LRRC39: variants seen among roughly 807,000 people sequenced by gnomAD.
The protein encoded by LRRC39 is leucine-rich repeat-containing protein 39.
Under a neutral mutation model 39.7 loss-of-function variants are expected in LRRC39, and 35 were observed. That is an observed-to-expected ratio of 0.88 (90% CI 0.67 to 1.17). LRRC39 has a LOEUF of 1.17. Among genes scored for constraint, LRRC39 ranks in the 50% most tolerant of loss-of-function variants. LRRC39 has a pLI of 0.00. For missense variants in LRRC39, 357 were observed against 385.8 expected (o/e 0.93, Z 0.62); for synonymous variants, 113 against 134.1 (o/e 0.84, Z 1.09).
intron 3 of LRRC39, among the ~76,000 whole-genome samples, chr1:100,162,059 G>T (rs921581780): frequency 7.9e-5 from 12 of 152,072 alleles, no homozygotes; most frequent in Admixed American, 6.6e-5. Context: ...ACCAATATTT[G>T]CTATTGTCCC....
intron 6 of LRRC39, 43 bp downstream of exon 6, chr1:100,158,188 T>C (rs1427863163): frequency 6.3e-7 from 1 of 1,599,300 alleles, no homozygotes; most frequent in Non-Finnish European, 8.5e-7. Context: ...GGTCAACTAC[T>C]GCAGATGGAA....
chr1:100,168,025 T>A (rs991105135), intron 3 of LRRC39, among the ~76,000 whole-genome samples: 2 of 152,078 alleles, frequency 1.3e-5, no homozygotes, highest in Admixed American at 6.6e-5. Flanking sequence ...CAGCTCTGGC[T>A]AGAACACATG....
intron 9 of LRRC39, chr1:100,150,059 T>C (rs1490728957): frequency 6.6e-6 from 1 of 152,342 alleles, no homozygotes; most frequent in Non-Finnish European, 1.5e-5. Context: ...CTAATCTCTT[T>C]GTGCCTCAAT....
At chr1:100,152,674 A>C in intron 8 of LRRC39, 150 bp from the exon 9 acceptor site, 1 of 768,868 alleles carries the variant, frequency 1.3e-6, no homozygotes, top group Non-Finnish European at 2.0e-6. Flanking sequence ...GATATATCTC[A>C]AGAATCTTAT....
upstream of LRRC39, among the ~76,000 whole-genome samples, chr1:100,179,117 T>C (rs1660133433): frequency 6.6e-6 from 1 of 152,240 alleles, no homozygotes; most frequent in Non-Finnish European, 1.5e-5. Flanking sequence ...TTTTAATGGC[T>C]ACATAGCAGT....
intron 2 of LRRC39, among the ~76,000 whole-genome samples, chr1:100,170,541 G>T: frequency 6.6e-6 from 1 of 152,116 alleles, no homozygotes; most frequent in Non-Finnish European, 1.5e-5. Flanking sequence ...TGATGAAAAT[G>T]TTCTAGAATT....
At chr1:100,168,140 T>C (rs1367317932) in intron 3 of LRRC39, among the ~76,000 whole-genome samples, 3 of 152,152 alleles carry the variant, frequency 2.0e-5, no homozygotes, top group Non-Finnish European at 4.4e-5. Flanking sequence ...TTAGACTATA[T>C]GATACTAATC....
intron 8 of LRRC39, among the ~76,000 whole-genome samples, chr1:100,152,742 A>G (rs1449168961): frequency 6.6e-6 from 1 of 152,204 alleles, no homozygotes; most frequent in East Asian, 1.9e-4. Context: ...TTCAAAGCTT[A>G]TAAAAGCAAC....
intron 2 of LRRC39, among the ~76,000 whole-genome samples, chr1:100,171,204 G>A (rs1659572427): frequency 6.6e-6 from 1 of 151,978 alleles, no homozygotes; most frequent in South Asian, 2.1e-4. Flanking sequence ...TAAAACTTAG[G>A]AAGAATACTG....
chr1:100,175,793 A>T (rs990522807), intron 1 of LRRC39, among the ~76,000 whole-genome samples: 6 of 152,222 alleles, frequency 3.9e-5, no homozygotes, highest in African/African-American at 1.4e-4. Context: ...GACCAAAAAC[A>T]AATGAAGTTG....
Position 100,160,470 on chromosome 1 carries a change from C to T in LRRC39, c.215G>A (p.Trp72Ter). ...AAATATTCTATAAAAGCTTACCTTC[C>T]ATTCCTCTTTTTCTATCTTCAAAAT... is the stretch of plus-strand genomic sequence containing the variant. ...RVILKIEKEE[W>*]KTLPSSLLKL... Residue 72 changes from tryptophan to a stop codon, truncating the protein, a stop_gained, in exon 4 of 10, where the codon TGG (tryptophan) becomes TAG (stop). Coordinates refer to ENST00000370137, the MANE Select transcript of LRRC39 (RefSeq NM_144620.4). LOFTEE classifies it high-confidence loss of function. 6.2e-7 allele frequency: 1 copy of T among 1,611,400 alleles called. No homozygotes were observed. Among genetic ancestry groups the T allele is most frequent in the Non-Finnish European group, 8.5e-7 (1 of 1,178,296 alleles).
chr1:100,170,528 G>A (rs1659529176), intron 2 of LRRC39, among the ~76,000 whole-genome samples: 1 of 152,116 alleles, frequency 6.6e-6, no homozygotes, highest in South Asian at 2.1e-4. Context: ...ACAGTTTTTT[G>A]AGTGATGAAA....
rs1658696172 is a variant in LRRC39 at position 100,159,279 on chromosome 1, G to A, written c.356C>T (p.Ser119Leu). The A allele has an allele frequency of 3.7e-6, 6 of 1,605,220 alleles. No individual in the cohort carries two copies. The highest frequency in any genetic ancestry group is 5.1e-6 in the Non-Finnish European group (6 of 1,176,238). ...IVLDLSRNTISEIPPGIGLLT... is the reference protein window; with the variant it reads ...IVLDLSRNTILEIPPGIGLLT... ...CTTACCAATCCCTGGTGGTATCTCT[G>A]AAATTGTGTTTCGAGATAAATCTAA... The change falls in exon 5 of 10, where the codon TCA (serine) becomes TTA (leucine). Residue 119 changes from serine to leucine, a missense_variant. By Grantham distance (145) the Ser-to-Leu change is moderately radical. Coordinates refer to ENST00000370137, the MANE Select transcript of LRRC39 (RefSeq NM_144620.4).
At chr1:100,167,032 G>C (rs1264495472) in intron 3 of LRRC39, among the ~76,000 whole-genome samples, 1 of 152,150 alleles carries the variant, frequency 6.6e-6, no homozygotes, top group Non-Finnish European at 1.5e-5. Context: ...ATACACCAGG[G>C]ATGAATCTTA....
intron 2 of LRRC39, among the ~76,000 whole-genome samples, chr1:100,170,226 G>A (rs1472234823): frequency 6.6e-6 from 1 of 152,154 alleles, no homozygotes. Context: ...TAGCTAAAAA[G>A]TGGCAACAAC....
At chr1:100,177,560 C>T (rs1177739282) in intron 1 of LRRC39, among the ~76,000 whole-genome samples, 1 of 152,192 alleles carries the variant, frequency 6.6e-6, no homozygotes, top group Non-Finnish European at 1.5e-5. Flanking sequence ...AATCCAACTT[C>T]CTGAGCATAT....
chr1:100,158,498 C>CGCTA, intron 5 of LRRC39, 131 bp from the exon 6 acceptor site: 1 of 691,100 alleles, frequency 1.4e-6, no homozygotes, highest in Non-Finnish European at 2.2e-6. Flanking sequence ...AGTGCAGTGG[C>CGCTA]GCTATCTCGG....
chr1:100,161,650 A>G (rs950448465), intron 3 of LRRC39, among the ~76,000 whole-genome samples: 2 of 152,088 alleles, frequency 1.3e-5, no homozygotes, highest in African/African-American at 4.8e-5. Flanking sequence ...TTTATGTTTA[A>G]CATTTTTCTT....
rs1005219668 is a variant in LRRC39, at chr1:100,172,743, G to A, written c.-79+588C>T. 3.9e-5 allele frequency among the ~76,000 whole-genome samples: 6 copies of A among 152,144 alleles called. No homozygotes were observed. In the East Asian group the frequency reaches 9.7e-4, roughly 25 times the overall value. ...TGGGAGGCCGAGGCGGGGGGATCAC[G>A]AAGTCAGGAGATCAAGACCATCCTG... On this transcript the variant is annotated intron_variant, in intron 2 of 9. Transcript: ENST00000370137.
Sources: gnomAD v4.1 joint callset for allele counts (sites outside exome capture counted in the v4.1 genomes callset) on GRCh38, gnomAD v4.1.1 for gene constraint, MANE v1.5 for transcripts, NCBI Gene and HGNC (gene_info 2026-07-23, HGNC 2026-07-21) for gene names.